The following ABR variants were observed in gnomAD, a reference collection of about 807,000 sequenced individuals.
The protein encoded by ABR is ABR activator of RhoGEF and GTPase, also known as active breakpoint cluster region-related protein.
ABR carries 35 observed loss-of-function variants against 107.2 expected under a neutral mutation model. The observed-to-expected ratio is 0.33, with a 90% CI of 0.25 to 0.43. The LOEUF (loss-of-function observed/expected upper bound fraction) is 0.43. ABR is among the 20% of genes least tolerant of loss of function. The pLI is 1.00. For missense variants in ABR, 815 were observed against 1,115.2 expected (o/e 0.73, Z 3.83); for synonymous variants, 498 against 462.0 (o/e 1.08, Z -1.00).
chr17:1,127,049 C>T (rs1311152932), intron 1 of ABR, among the ~76,000 whole-genome samples: 2 of 152,224 alleles, frequency 1.3e-5, no homozygotes, highest in African/African-American at 2.4e-5. Context: ...GGACGCCTGG[C>T]CGTGGCCACA....
chr17:1,111,281 A>C (rs1457267323), intron 2 of ABR, among the ~76,000 whole-genome samples: 2 of 152,056 alleles, frequency 1.3e-5, no homozygotes, highest in South Asian at 2.1e-4. Context: ...TGAACCCCAC[A>C]CAAGTGACTC....
At chr17:1,195,382 C>T (rs899610219) in intron 1 of ABR, among the ~76,000 whole-genome samples, 4 of 151,140 alleles carry the variant, frequency 2.6e-5, no homozygotes, top group Admixed American at 1.3e-4. Context: ...AGGCGTGAGC[C>T]ATCAGGCCCG....
In ABR at chr17:1,005,073, CGACCCGG is replaced by C. The variant is rs757973313; in HGVS notation, c.*1000_*1006del. On this transcript the variant is annotated 3_prime_UTR_variant, in exon 23 of 23. Transcript: ENST00000302538. ...TCCTAAGAGCTGAGCTGCCTCCCCG[CGACCCGG>C]GACACCCAGCGTGGCATGTGCATTC... The C allele has an allele frequency of 5.0e-6, 2 of 398,916 alleles. No homozygotes were observed. The highest frequency in any genetic ancestry group is 4.1e-5 in the African/African-American group (2 of 48,762). 24.7% of individuals were successfully genotyped at this position (398,916 alleles called of 1,614,324 possible). A position where few individuals can be genotyped will look rare whatever the true frequency, so the allele number is the denominator to read the frequency against.
Position 1,078,284 on chromosome 17 carries a change from C to T in ABR, c.700+1046G>A, listed in dbSNP as rs1458443988. On this transcript the variant is annotated intron_variant, in intron 6 of 22. Transcript: ENST00000302538. The surrounding 1 kb of genome is among the most constrained non-coding windows in gnomAD (Gnocchi z 7.5). ...ACAGCCCCTCCGTGTCCTCCGCCTA[C>T]TGCTGCATGTGCGCGGAGCACACAA... Among the ~76,000 whole-genome samples the T allele has an allele frequency of 6.6e-6, 1 of 152,194 alleles. No homozygotes were observed. Among genetic ancestry groups the T allele is most frequent in the East Asian group, 1.9e-4 (1 of 5,178 alleles).
At chr17:1,139,438 G>C (rs2040206531) in intron 1 of ABR, among the ~76,000 whole-genome samples, 1 of 152,010 alleles carries the variant, frequency 6.6e-6, no homozygotes, top group African/African-American at 2.4e-5. Flanking sequence ...ATTTTTAGTA[G>C]AGACAGGGTT....
At chr17:1,146,823 CCACACGA>C (rs2040566167) in intron 1 of ABR, among the ~76,000 whole-genome samples, 1 of 149,790 alleles carries the variant, frequency 6.7e-6, no homozygotes, top group East Asian at 2.0e-4. Flanking sequence ...GCCACCACTG[CCACACGA>C]CACCACTGCC....
At chr17:1,152,747 C>T (rs2040850433) in intron 1 of ABR, among the ~76,000 whole-genome samples, 1 of 152,086 alleles carries the variant, frequency 6.6e-6, no homozygotes, top group South Asian at 2.1e-4. Context: ...CTTGGCCAAG[C>T]GCTCTGTTAT....
rs1422674455 is a variant in ABR at position 1,078,757 on chromosome 17, A to T, written c.700+573T>A. The T allele has an allele frequency of 6.6e-7, 1 of 1,513,610 alleles. No homozygotes were observed. The highest frequency in any genetic ancestry group is 8.9e-7 in the Non-Finnish European group (1 of 1,127,882). The allele number at this position is 1,513,610 out of a possible 1,614,324, so 93.8% of individuals were successfully genotyped here. On this transcript the variant is annotated intron_variant, in intron 6 of 22. Coordinates refer to ENST00000302538, the MANE Select transcript of ABR (RefSeq NM_021962.5). This position sits in a 1 kb window ranked among gnomAD's most constrained non-coding sequence, Gnocchi z 7.5. ...CCCCGGCCACATCTAAGCCCACTCC[A>T]GCCGGCCCCCAGAGGTGGGAGGGTC...
chr17:1,154,066 G>C lies in ABR; in HGVS notation c.61+25601C>G, dbSNP rs555233183. 1 of 154,314 alleles carries C rather than the reference G, an allele frequency of 6.5e-6. No individual in the cohort carries two copies. The highest frequency in any genetic ancestry group is 2.4e-5 in the African/African-American group (1 of 41,458). 9.6% of individuals were successfully genotyped at this position (154,314 alleles called of 1,614,324 possible). A position where few individuals can be genotyped will look rare whatever the true frequency, so the allele number is the denominator to read the frequency against. On this transcript the variant is annotated intron_variant, in intron 1 of 22. Coordinates refer to ENST00000302538, the MANE Select transcript of ABR (RefSeq NM_021962.5). The surrounding 1 kb of genome is among the most constrained non-coding windows in gnomAD (Gnocchi z 4.0). The stretch of plus-strand genomic sequence containing the variant: ...GAGGACCAACGAAGAGGGAGGAGGT[G>C]GGCACGCAGCCCACAGAAATCTCAG...
chr17:1,225,703 T>C (rs1337321259), intron 1 of ABR, among the ~76,000 whole-genome samples: 4 of 152,092 alleles, frequency 2.6e-5, no homozygotes, highest in Non-Finnish European at 5.9e-5. Context: ...TGACCTGTAG[T>C]AGTGGTTAAT....
intron 14 of ABR, among the ~76,000 whole-genome samples, chr17:1,052,274 G>A (rs1276705128): frequency 6.6e-6 from 1 of 151,734 alleles, no homozygotes; most frequent in Non-Finnish European, 1.5e-5. Flanking sequence ...CTGTGTGTTT[G>A]AGACGGGCCA....
At chr17:1,064,827 C>G (rs375501822) in intron 10 of ABR, among the ~76,000 whole-genome samples, 6 of 127,570 alleles carry the variant, frequency 4.7e-5, no homozygotes, top group South Asian at 2.8e-4. Flanking sequence ...TATGCATGTT[C>G]CTCTAGACAC....
intron 16 of ABR, among the ~76,000 whole-genome samples, chr17:1,038,471 G>A (rs1468945660): frequency 6.6e-6 from 1 of 152,216 alleles, no homozygotes; most frequent in East Asian, 1.9e-4. Flanking sequence ...CTGTCTAGTG[G>A]GTCAGGCGGG....
chr17:1,124,131 G>A (rs546628214), intron 2 of ABR, among the ~76,000 whole-genome samples: 2 of 152,304 alleles, frequency 1.3e-5, no homozygotes, highest in East Asian at 1.9e-4. Context: ...CCACCCCGGT[G>A]TGTGAAGAGG....
intron 2 of ABR, among the ~76,000 whole-genome samples, chr17:1,112,896 G>C (rs76461549): frequency 6.8e-6 from 1 of 147,416 alleles, no homozygotes; most frequent in African/African-American, 2.5e-5. Flanking sequence ...ATTTGTTAAC[G>C]CCTGACCCAA....
At chr17:1,103,815 C>T (rs1319129738) in intron 2 of ABR, among the ~76,000 whole-genome samples, 1 of 152,168 alleles carries the variant, frequency 6.6e-6, no homozygotes, top group Non-Finnish European at 1.5e-5. Flanking sequence ...AGCCTCGGTG[C>T]ACTTGGCTAA....
chr17:1,097,315 A>C (rs908855215), intron 3 of ABR, among the ~76,000 whole-genome samples: 1 of 152,144 alleles, frequency 6.6e-6, no homozygotes, highest in African/African-American at 2.4e-5. Context: ...TATGTGCCGG[A>C]CACAGTGGCT....
intron 3 of ABR, among the ~76,000 whole-genome samples, chr17:1,099,547 C>T (rs937062748): frequency 2.0e-5 from 3 of 152,170 alleles, no homozygotes; most frequent in African/African-American, 4.8e-5. Flanking sequence ...CACACTTCTG[C>T]GTCTCCCTTT....
chr17:1,056,991 A>G lies in ABR; in HGVS notation c.1486+7T>C. On this transcript the variant is annotated splice_region_variant and intron_variant, in intron 13 of 22. Coordinates refer to ENST00000302538, the MANE Select transcript of ABR (RefSeq NM_021962.5). ...CCGGTTGGGCCACCTCTGGTTCCCGAGCTTACCGTCTTTATTGCTGGTGAC... is the reference window on the plus strand; with the variant it reads ...CCGGTTGGGCCACCTCTGGTTCCCGGGCTTACCGTCTTTATTGCTGGTGAC... 1 of 1,600,628 alleles carries G rather than the reference A, an allele frequency of 6.2e-7. No individual in the cohort carries two copies. The highest frequency in any genetic ancestry group is 8.6e-7 in the Non-Finnish European group (1 of 1,168,984).
Sources: gnomAD v4.1 joint callset for allele counts (sites outside exome capture counted in the v4.1 genomes callset) on GRCh38, gnomAD v4.1.1 for gene constraint, Gnocchi (gnomAD v3.1) non-coding constraint, MANE v1.5 for transcripts, NCBI Gene and HGNC (gene_info 2026-07-23, HGNC 2026-07-21) for gene names.